Variants in TECPR2 observed in about 807,000 individuals in gnomAD.
TECPR2 encodes the protein tectonin beta-propeller repeat containing 2.
Under a neutral mutation model 138.1 loss-of-function variants are expected in TECPR2, and 65 were observed. That is an observed-to-expected ratio of 0.47 (90% confidence interval 0.39 to 0.58). TECPR2 has a LOEUF of 0.58. TECPR2 is among the 20% of genes least tolerant of loss of function. The probability of loss-of-function intolerance (pLI) is 0.00; values close to 1 mark genes in which losing one functional copy is unlikely to be tolerated. For missense variants in TECPR2, 1,553 were observed against 1,824.5 expected (o/e 0.85, Z 2.71); for synonymous variants, 746 against 749.8 (o/e 0.99, Z 0.08).
intron 13 of TECPR2, among the ~76,000 whole-genome samples, chr14:102,448,452 G>A (rs964207745): frequency 3.9e-5 from 6 of 152,196 alleles, no homozygotes; most frequent in African/African-American, 1.4e-4. Flanking sequence ...ATGCTTTTCA[G>A]GAATGTTATA....
At chr14:102,370,348 C>T (rs545192322) in intron 1 of TECPR2, among the ~76,000 whole-genome samples, 6 of 152,242 alleles carry the variant, frequency 3.9e-5, no homozygotes, top group South Asian at 2.1e-4. Flanking sequence ...TGGGATTACA[C>T]GCGTGAACCA....
chr14:102,369,946 C>G (rs1232779439), intron 1 of TECPR2, among the ~76,000 whole-genome samples: 3 of 151,926 alleles, frequency 2.0e-5, no homozygotes, highest in African/African-American at 7.2e-5. Flanking sequence ...CAGAGTGAGA[C>G]TCTGTCTCAA....
chr14:102,455,295 A>G (rs1246947209), intron 16 of TECPR2, among the ~76,000 whole-genome samples: 1 of 152,164 alleles, frequency 6.6e-6, no homozygotes, highest in East Asian at 1.9e-4. Flanking sequence ...CAATGTCAGT[A>G]TCCGGCTGAC....
intron 5 of TECPR2, among the ~76,000 whole-genome samples, chr14:102,416,973 G>C (rs1805851698): frequency 6.6e-6 from 1 of 152,134 alleles, no homozygotes; most frequent in South Asian, 2.1e-4. Flanking sequence ...GACAGAGCGA[G>C]ACTTCATCTC....
intron 3 of TECPR2, 109 bp downstream of exon 3, chr14:102,407,575 G>A (rs1041096911): frequency 2.1e-6 from 3 of 1,397,584 alleles, no homozygotes; most frequent in East Asian, 2.6e-5. Flanking sequence ...GAGAAAGCCG[G>A]GCACGACTTT....
chr14:102,408,169 C>CAA (rs79017118), intron 3 of TECPR2, among the ~76,000 whole-genome samples: 2 of 126,114 alleles, frequency 1.6e-5, no homozygotes, highest in African/African-American at 5.9e-5. Context: ...GACTCTGTCT[C>CAA]AAAAAAAAAA....
chr14:102,480,848 T>TTTG (rs1890878368), intron 17 of TECPR2, among the ~76,000 whole-genome samples: 3 of 122,060 alleles, frequency 2.5e-5, no homozygotes, highest in South Asian at 5.8e-4. Context: ...TGGGTTTTTT[T>TTTG]TTTTTTTTTT....
At chr14:102,497,913 C>T (rs1891333768) in intron 19 of TECPR2, among the ~76,000 whole-genome samples, 190 bp from the exon 20 acceptor site, 1 of 152,224 alleles carries the variant, frequency 6.6e-6, no homozygotes, top group Non-Finnish European at 1.5e-5. Context: ...GTCTCCTGGG[C>T]AAGGACAAGG....
intron 12 of TECPR2, 22 bp from the exon 13 acceptor site, chr14:102,445,784 C>G (rs1567345153): frequency 6.2e-7 from 1 of 1,611,846 alleles, no homozygotes; most frequent in East Asian, 2.2e-5. Flanking sequence ...GCTGACCCCC[C>G]TGTTCTCCTC....
intron 2 of TECPR2, among the ~76,000 whole-genome samples, chr14:102,392,178 G>C (rs1888195214): frequency 6.6e-6 from 1 of 152,036 alleles, no homozygotes; most frequent in Non-Finnish European, 1.5e-5. Flanking sequence ...TTTTAGTAGA[G>C]ACGGGGTTTC....
intron 17 of TECPR2, among the ~76,000 whole-genome samples, chr14:102,479,569 A>C (rs1260311176): frequency 6.6e-6 from 1 of 152,066 alleles, no homozygotes; most frequent in Non-Finnish European, 1.5e-5. Flanking sequence ...GAGCTGTGGA[A>C]ATTCTTTGGC....
intron 2 of TECPR2, among the ~76,000 whole-genome samples, chr14:102,386,410 C>T (rs1708055315): frequency 6.6e-6 from 1 of 151,990 alleles, no homozygotes; most frequent in South Asian, 2.1e-4. Flanking sequence ...GTGGAGGTTG[C>T]AGTGAGTAGA....
At chr14:102,424,091 T>C (rs1401256248) in intron 5 of TECPR2, among the ~76,000 whole-genome samples, 2 of 152,176 alleles carry the variant, frequency 1.3e-5, no homozygotes, top group Admixed American at 1.3e-4. Flanking sequence ...ATGAACAGCA[T>C]TGAGTGTACT....
chr14:102,395,967 A>G (rs1423432702), intron 2 of TECPR2, among the ~76,000 whole-genome samples: 8 of 152,164 alleles, frequency 5.3e-5, no homozygotes, highest in Non-Finnish European at 1.0e-4. Context: ...ATGGATAACA[A>G]GTGTTCACTT....
intron 2 of TECPR2, among the ~76,000 whole-genome samples, chr14:102,391,945 CTT>C (rs1324452822): frequency 5.3e-5 from 8 of 152,130 alleles, no homozygotes; most frequent in Non-Finnish European, 8.8e-5. Flanking sequence ...ATTACCCTCT[CTT>C]TTCATTTCCT....
At chr14:102,438,717 A>G (rs779433058) in intron 10 of TECPR2, among the ~76,000 whole-genome samples, 14 of 152,146 alleles carry the variant, frequency 9.2e-5, no homozygotes, top group Non-Finnish European at 1.9e-4. Context: ...CCCTGACTCT[A>G]AAAGGAAAGT....
At chr14:102,488,803 T>A (rs1213284307) in intron 17 of TECPR2, among the ~76,000 whole-genome samples, 1 of 151,804 alleles carries the variant, frequency 6.6e-6, no homozygotes, top group South Asian at 2.1e-4. Flanking sequence ...TGTGATAAAA[T>A]ACACATGAGA....
chr14:102,382,658 A>G (rs1017777296), intron 2 of TECPR2, among the ~76,000 whole-genome samples: 5 of 152,212 alleles, frequency 3.3e-5, no homozygotes, highest in African/African-American at 1.2e-4. Flanking sequence ...TGAGTTAGAA[A>G]ACATACCTCA....
intron 5 of TECPR2, among the ~76,000 whole-genome samples, chr14:102,421,357 A>G (rs947346797): frequency 3.9e-5 from 6 of 152,256 alleles, no homozygotes; most frequent in African/African-American, 9.6e-5. Flanking sequence ...CCACGATGTC[A>G]AAACACCCTT....
Sources: allele counts gnomAD v4.1 joint callset (sites outside exome capture counted in the v4.1 genomes callset), GRCh38; gene constraint gnomAD v4.1.1; transcripts MANE v1.5; gene names NCBI Gene and HGNC (gene_info 2026-07-23, HGNC 2026-07-21).